The following KIRREL3 variants were observed in gnomAD, a reference collection of about 807,000 sequenced individuals.
The protein encoded by KIRREL3 is kirre like nephrin family adhesion molecule 3.
In KIRREL3, 36 loss-of-function variants were observed where a neutral mutation model predicts 89.7. That is an observed-to-expected ratio of 0.40 (90% CI 0.31 to 0.53). The LOEUF (loss-of-function observed/expected upper bound fraction) is 0.53. Among genes scored for constraint, KIRREL3 ranks in the 20% least tolerant of loss-of-function variants. The pLI is 0.49. For synonymous variants in KIRREL3, 445 were observed against 441.4 expected (o/e 1.01, Z -0.10); for missense variants, 864 against 1,056.6 (o/e 0.82, Z 2.53).
At chr11:126,789,643 T>C (rs77578287) in intron 1 of KIRREL3, among the ~76,000 whole-genome samples, 3,523 of 152,306 alleles carry the variant, frequency 0.023, 142 homozygotes, top group African/African-American at 0.081. Flanking sequence ...GAGGTCCCTC[T>C]GTCTCCATCT....
At position 126,999,296 on chromosome 11, in the gene KIRREL3, G is replaced by A. The variant is rs1414350448; in HGVS notation, c.55+1159C>T. Among the ~76,000 whole-genome samples the A allele has an allele frequency of 6.6e-6, 1 of 152,196 alleles. No individual in the cohort carries two copies. Among genetic ancestry groups the A allele is most frequent in the East Asian group, 1.9e-4 (1 of 5,178 alleles). On this transcript the variant is annotated intron_variant, in intron 1 of 16. Coordinates refer to ENST00000525144, the MANE Select transcript of KIRREL3 (RefSeq NM_032531.4). This position sits in a 1 kb window ranked among gnomAD's most constrained non-coding sequence, Gnocchi z 5.7. ...TGCACAGATAAGGAGAAAGTCTGCA[G>A]TGACCACAAGCACGGGTGGAAGAGC... is the stretch of plus-strand genomic sequence containing the variant.
rs1051669749 is a variant in KIRREL3 at position 126,739,840 on chromosome 11, G to A, written c.56-176928C>T. 1.3e-5 allele frequency among the ~76,000 whole-genome samples: 2 copies of A among 152,172 alleles called. No individual in the cohort carries two copies. Among genetic ancestry groups the A allele is most frequent in the African/African-American group, 4.8e-5 (2 of 41,440 alleles). On this transcript the variant is annotated intron_variant, in intron 1 of 16. Transcript: ENST00000525144. The surrounding 1 kb of genome is among the most constrained non-coding windows in gnomAD (Gnocchi z 5.5). ...CAGCAAATAAAATGTGCTCCATTTT[G>A]CCAGAGCTGAGGGGATTGGGCAAGA...
intron 1 of KIRREL3, among the ~76,000 whole-genome samples, chr11:126,577,861 C>T (rs1057291671): frequency 4.6e-5 from 7 of 152,070 alleles, no homozygotes; most frequent in African/African-American, 9.7e-5. Context: ...TGAAACTGCC[C>T]AGTTCTAGAT....
chr11:126,977,326 C>T lies in KIRREL3; in HGVS notation c.55+23129G>A, dbSNP rs547513632. Among the ~76,000 whole-genome samples, 159 of 152,248 alleles carry T rather than the reference C, an allele frequency of 1.0e-3. No homozygotes were observed. Among genetic ancestry groups the T allele is most frequent in the South Asian group, 1.7e-3 (8 of 4,816 alleles). ...CCTTTCCTTCTTCATCAGGATCATT[C>T]GTTTGGTGCTGTCAAAACACTGAAG... On this transcript the variant is annotated intron_variant, in intron 1 of 16. Transcript: ENST00000525144. This position sits in a 1 kb window ranked among gnomAD's most constrained non-coding sequence, Gnocchi z 4.7.
At chr11:126,534,541 C>A (rs1937686008) in intron 2 of KIRREL3, among the ~76,000 whole-genome samples, 1 of 152,188 alleles carries the variant, frequency 6.6e-6, no homozygotes, top group Admixed American at 6.5e-5. Context: ...TGAGACAAAG[C>A]CCTTTGTCTC....
rs1172447181 is a variant in KIRREL3, at chr11:126,685,989, C to T, written c.56-123077G>A. On this transcript the variant is annotated intron_variant, in intron 1 of 16. Coordinates refer to ENST00000525144, the MANE Select transcript of KIRREL3 (RefSeq NM_032531.4). The surrounding 1 kb of genome is among the most constrained non-coding windows in gnomAD (Gnocchi z 5.5). Reference sequence around the variant, plus strand: ...CCCGGCTCTGCCTCTGTTCCCTTCACCTGCTTCTTCTCAGGCCAAGGTAGA... The same window carrying T: ...CCCGGCTCTGCCTCTGTTCCCTTCATCTGCTTCTTCTCAGGCCAAGGTAGA... Among the ~76,000 whole-genome samples, 2 of 152,232 alleles carry T rather than the reference C, an allele frequency of 1.3e-5. No homozygotes were observed. The highest frequency in any genetic ancestry group is 2.4e-5 in the African/African-American group (1 of 41,456).
In KIRREL3 at chr11:126,782,380, C is replaced by T. The variant is rs1428375521; in HGVS notation, c.55+218075G>A. Among the ~76,000 whole-genome samples, 2 of 152,210 alleles carry T rather than the reference C, an allele frequency of 1.3e-5. No individual in the cohort carries two copies. Among genetic ancestry groups the T allele is most frequent in the Non-Finnish European group, 2.9e-5 (2 of 68,048 alleles). ...TATTCAGACTAATACAAAGATATAA[C>T]TAACTGATAGCAGTTCCCTTTGTGA... On this transcript the variant is annotated intron_variant, in intron 1 of 16. Transcript: ENST00000525144. The surrounding 1 kb of genome is among the most constrained non-coding windows in gnomAD (Gnocchi z 4.1).
chr11:126,551,234 C>T lies in KIRREL3; in HGVS notation c.133+11601G>A, dbSNP rs12287753. Among the ~76,000 whole-genome samples the T allele has an allele frequency of 0.3, 45,830 of 151,994 alleles. 9,684 individuals carry two copies. Among genetic ancestry groups the T allele is most frequent in the African/African-American group, 0.6 (24,643 of 41,412 alleles). On this transcript the variant is annotated intron_variant, in intron 2 of 16. Transcript: ENST00000525144. The surrounding 1 kb of genome is among the most constrained non-coding windows in gnomAD (Gnocchi z 4.9). The stretch of plus-strand genomic sequence containing the variant: ...CCGAAACTCAGTCCTTTTGGGTTTT[C>T]ATGGAAGCATTCCTTCCCCTAGGGT...
rs1939873743 is a variant in KIRREL3 at position 126,558,551 on chromosome 11, A to C, written c.133+4284T>G. 1.3e-5 allele frequency among the ~76,000 whole-genome samples: 2 copies of C among 152,140 alleles called. 1 individual carries two copies. The highest frequency in any genetic ancestry group is 4.1e-4 in the South Asian group (2 of 4,824). ...CAGCCACTTCATATGGGCCCCGGGC[A>C]AGTTGCTGCATGCTCTTGGGCCATG... On this transcript the variant is annotated intron_variant, in intron 2 of 16. Transcript: ENST00000525144. The surrounding 1 kb of genome is among the most constrained non-coding windows in gnomAD (Gnocchi z 4.0).
Position 126,463,020 on chromosome 11 carries a change from G to T in KIRREL3, c.742+137C>A. On this transcript the variant is annotated intron_variant, in intron 6 of 16. Transcript: ENST00000525144. The surrounding 1 kb of genome is among the most constrained non-coding windows in gnomAD (Gnocchi z 5.9). ...GAAGACAAGATGGTCCTTCCTGTCC[G>T]TATCTACAAGCTGGCCAATCCACAG... is the stretch of plus-strand genomic sequence containing the variant. The T allele has an allele frequency of 2.7e-6, 2 of 745,860 alleles. No individual in the cohort carries two copies. The highest frequency in any genetic ancestry group is 2.2e-6 in the Non-Finnish European group (1 of 456,670). 46.2% of individuals were successfully genotyped at this position (745,860 alleles called of 1,614,324 possible).
Position 126,463,085 on chromosome 11 carries a change from T to G in KIRREL3, c.742+72A>C. The stretch of plus-strand genomic sequence containing the variant: ...TTTCCTGCTATCAGATGGGCCAGGC[T>G]ATGGTCAGGGTTGCTGGGTGTTTCA... On this transcript the variant is annotated intron_variant, in intron 6 of 16. Coordinates refer to ENST00000525144, the MANE Select transcript of KIRREL3 (RefSeq NM_032531.4). The surrounding 1 kb of genome is among the most constrained non-coding windows in gnomAD (Gnocchi z 5.9). 2 of 1,470,734 alleles carry G rather than the reference T, an allele frequency of 1.4e-6. No homozygotes were observed. Among genetic ancestry groups the G allele is most frequent in the Non-Finnish European group, 1.9e-6 (2 of 1,066,530 alleles). The allele number at this position is 1,470,734 out of a possible 1,614,324, so 91.1% of individuals were successfully genotyped here. A position where few individuals can be genotyped will look rare whatever the true frequency, so the allele number is the denominator to read the frequency against.
In KIRREL3 at chr11:126,684,059, G is replaced by A. The variant is rs1946575577; in HGVS notation, c.56-121147C>T. Among the ~76,000 whole-genome samples the A allele has an allele frequency of 6.6e-6, 1 of 152,214 alleles. No homozygotes were observed. Among genetic ancestry groups the A allele is most frequent in the African/African-American group, 2.4e-5 (1 of 41,468 alleles). On this transcript the variant is annotated intron_variant, in intron 1 of 16. Coordinates refer to ENST00000525144, the MANE Select transcript of KIRREL3 (RefSeq NM_032531.4). The surrounding 1 kb of genome is among the most constrained non-coding windows in gnomAD (Gnocchi z 4.2). ...AGCTTAGCATGGCACTGTCTGATCT[G>A]CTGACAGCCGCGACCCTGCCACCTG...
chr11:126,436,249 G>A (rs1955331257), intron 12 of KIRREL3, among the ~76,000 whole-genome samples: 2 of 152,182 alleles, frequency 1.3e-5, no homozygotes, highest in Admixed American at 6.5e-5. Flanking sequence ...CAGGTCATCT[G>A]AGCCCAGCCC....
chr11:126,531,991 A>C lies in KIRREL3; in HGVS notation c.134-5304T>G, dbSNP rs193285112. 1.4e-3 allele frequency among the ~76,000 whole-genome samples: 210 copies of C among 152,324 alleles called. 2 individuals carry two copies. Among genetic ancestry groups the C allele is most frequent in the African/African-American group, 4.7e-3 (194 of 41,562 alleles). On this transcript the variant is annotated intron_variant, in intron 2 of 16. Coordinates refer to ENST00000525144, the MANE Select transcript of KIRREL3 (RefSeq NM_032531.4). The surrounding 1 kb of genome is among the most constrained non-coding windows in gnomAD (Gnocchi z 4.7). ...AGATACTGTTCAGAGCACACCACAC[A>C]GGAGAAAGGTGAGAAATCACAGGGT... is the stretch of plus-strand genomic sequence containing the variant.
In KIRREL3 at chr11:126,447,383, C is replaced by T. The variant is rs558729613; in HGVS notation, c.998-497G>A. 3.9e-5 allele frequency among the ~76,000 whole-genome samples: 6 copies of T among 152,300 alleles called. No homozygotes were observed. The South Asian group carries it at 1.0e-3, about 26-fold the overall frequency. On this transcript the variant is annotated intron_variant, in intron 8 of 16. Coordinates refer to ENST00000525144, the MANE Select transcript of KIRREL3 (RefSeq NM_032531.4). ...AGCCTCAGCCTTCATGACCTGGAAT[C>T]GAGTGACTGGTGCACCTCTGGGGTG...
chr11:126,757,213 G>C (rs887604656), intron 1 of KIRREL3, among the ~76,000 whole-genome samples: 1 of 152,024 alleles, frequency 6.6e-6, no homozygotes, highest in Middle Eastern at 3.4e-3. Context: ...ATTAAAAGCT[G>C]TGCTACATAA....
rs1159732022 is a variant in KIRREL3 at position 126,987,772 on chromosome 11, G to T, written c.55+12683C>A. On this transcript the variant is annotated intron_variant, in intron 1 of 16. Transcript: ENST00000525144. The surrounding 1 kb of genome is among the most constrained non-coding windows in gnomAD (Gnocchi z 4.6). The stretch of plus-strand genomic sequence containing the variant: ...TATTGCTCTGATTCGATCTAAAGGA[G>T]CTTTGAAAACGTCAAAGAACTTTCA... Among the ~76,000 whole-genome samples, 1 of 152,176 alleles carries T rather than the reference G, an allele frequency of 6.6e-6. No homozygotes were observed. The highest frequency in any genetic ancestry group is 2.4e-5 in the African/African-American group (1 of 41,440).
intron 7 of KIRREL3, among the ~76,000 whole-genome samples, chr11:126,456,057 T>TTTTTTTTTTCC (rs147218473): frequency 2.6e-4 from 29 of 109,744 alleles, no homozygotes; most frequent in Non-Finnish European, 4.2e-4. Flanking sequence ...TTTTTTTTTT[T>TTTTTTTTTTCC]CCTGAGCCTT....
At chr11:126,662,482 T>C (rs1945451402) in intron 1 of KIRREL3, among the ~76,000 whole-genome samples, 1 of 152,178 alleles carries the variant, frequency 6.6e-6, no homozygotes, top group Non-Finnish European at 1.5e-5. Flanking sequence ...AAGTGCAAGA[T>C]CTAGAGGCTG....
Sources: gnomAD v4.1 joint callset for allele counts (sites outside exome capture counted in the v4.1 genomes callset) on GRCh38, gnomAD v4.1.1 for gene constraint, Gnocchi (gnomAD v3.1) non-coding constraint, MANE v1.5 for transcripts, NCBI Gene and HGNC (gene_info 2026-07-23, HGNC 2026-07-21) for gene names.